Variants in ROBO2 observed in about 807,000 individuals in gnomAD.
The protein encoded by ROBO2 is roundabout guidance receptor 2.
ROBO2 carries 53 observed loss-of-function variants against 160.8 expected under a neutral mutation model. The observed-to-expected ratio is 0.33, with a 90% CI of 0.26 to 0.41. The LOEUF (loss-of-function observed/expected upper bound fraction) is 0.41, where lower values mean the gene tolerates loss of function less well. Among genes scored for constraint, ROBO2 ranks in the 10% least tolerant of loss-of-function variants. The probability of loss-of-function intolerance (pLI) is 1.00; values close to 1 mark genes in which losing one functional copy is unlikely to be tolerated. For synonymous variants in ROBO2, 664 were observed against 611.7 expected (o/e 1.09, Z -1.26); for missense variants, 1,577 against 1,722.4 (o/e 0.92, Z 1.49).
At chr3:76,921,875 T>C (rs2076684530) in intron 2 of ROBO2, among the ~76,000 whole-genome samples, 1 of 152,198 alleles carries the variant, frequency 6.6e-6, no homozygotes, top group Non-Finnish European at 1.5e-5. Context: ...TGTATAATTA[T>C]CCAGCATTTT....
chr3:76,395,548 G>A lies in ROBO2; in HGVS notation c.109+457946G>A, dbSNP rs1169280948. ...GAATCCAGGAGCTGGTTTTTTGAAA[G>A]GATCAACAAAATTGATAGACCGCTA... On this transcript the variant is annotated intron_variant, in intron 2 of 26. Transcript: ENST00000487694. 2.7e-5 allele frequency among the ~76,000 whole-genome samples: 4 copies of A among 148,284 alleles called. No homozygotes were observed. The East Asian group carries it at 5.9e-4, about 22-fold the overall frequency.
intron 2 of ROBO2, among the ~76,000 whole-genome samples, chr3:76,815,727 A>G (rs1453956313): frequency 2.0e-5 from 3 of 152,068 alleles, no homozygotes; most frequent in African/African-American, 4.8e-5. Context: ...AATGTCAAAC[A>G]TGCACATACC....
chr3:76,443,412 C>G (rs895879672), intron 2 of ROBO2, among the ~76,000 whole-genome samples: 3 of 152,036 alleles, frequency 2.0e-5, no homozygotes, highest in African/African-American at 7.2e-5. Context: ...GAGAGTCTTG[C>G]GATGTATCCC....
chr3:75,975,813 C>T (rs2065119509), intron 2 of ROBO2, among the ~76,000 whole-genome samples: 1 of 151,520 alleles, frequency 6.6e-6, no homozygotes, highest in Admixed American at 6.6e-5. Context: ...AACAAAATCC[C>T]ATCTGGCTAT....
At chr3:76,963,724 G>A (rs1327590327) in intron 2 of ROBO2, among the ~76,000 whole-genome samples, 1 of 150,728 alleles carries the variant, frequency 6.6e-6, no homozygotes, top group Non-Finnish European at 1.5e-5. Flanking sequence ...CAGAAGGAAA[G>A]CTTATAAATC....
intron 7 of ROBO2, among the ~76,000 whole-genome samples, chr3:77,549,269 T>G (rs1582877930): frequency 6.6e-6 from 1 of 152,030 alleles, no homozygotes. Context: ...GCCCATCTGA[T>G]ATATTAGTGC....
intron 2 of ROBO2, among the ~76,000 whole-genome samples, chr3:76,914,492 A>G (rs2076190338): frequency 6.6e-6 from 1 of 152,010 alleles, no homozygotes; most frequent in Non-Finnish European, 1.5e-5. Flanking sequence ...ACTGCTACCT[A>G]TATCTACTGC....
intron 2 of ROBO2, among the ~76,000 whole-genome samples, chr3:76,500,164 G>C (rs893085848): frequency 3.3e-5 from 5 of 152,078 alleles, no homozygotes; most frequent in African/African-American, 1.2e-4. Context: ...TGTCACCCGG[G>C]TTGGAGTGCA....
intron 1 of ROBO2, among the ~76,000 whole-genome samples, chr3:77,045,905 G>A (rs939763736): frequency 6.6e-5 from 10 of 152,110 alleles, no homozygotes; most frequent in Admixed American, 1.3e-4. Context: ...TTTCTTTAGC[G>A]TAATGTTTTT....
At chr3:76,710,905 G>T (rs1420836246) in intron 2 of ROBO2, among the ~76,000 whole-genome samples, 2 of 152,120 alleles carry the variant, frequency 1.3e-5, no homozygotes, top group South Asian at 2.1e-4. Flanking sequence ...TTCACGGCTA[G>T]CACTTTTCCT....
chr3:76,131,791 A>G (rs529453737), intron 2 of ROBO2, among the ~76,000 whole-genome samples: 17 of 152,262 alleles, frequency 1.1e-4, no homozygotes, highest in African/African-American at 4.1e-4. Flanking sequence ...GATTGGAGTA[A>G]GATCATATTA....
At chr3:77,150,075 T>C (rs934617984) in intron 2 of ROBO2, among the ~76,000 whole-genome samples, 12 of 152,184 alleles carry the variant, frequency 7.9e-5, no homozygotes, top group Admixed American at 4.6e-4. Context: ...GTTTCAGTTA[T>C]ATGAAACAAA....
intron 2 of ROBO2, among the ~76,000 whole-genome samples, chr3:76,875,354 G>A (rs2072593887): frequency 1.3e-5 from 2 of 152,150 alleles, no homozygotes; most frequent in South Asian, 4.1e-4. Flanking sequence ...CAGCACAAAG[G>A]GACTAAGACA....
At chr3:77,298,532 A>C (rs1377402145) in intron 2 of ROBO2, among the ~76,000 whole-genome samples, 1 of 152,158 alleles carries the variant, frequency 6.6e-6, no homozygotes, top group African/African-American at 2.4e-5. Context: ...ACCAGGGCAA[A>C]ATATGAGACT....
At chr3:77,497,742 A>G (rs938180514) in intron 5 of ROBO2, among the ~76,000 whole-genome samples, 2 of 152,090 alleles carry the variant, frequency 1.3e-5, no homozygotes, top group African/African-American at 4.8e-5. Context: ...CAGTATTTAT[A>G]ATAAATGAGG....
chr3:77,557,524 C>T (rs1261466921), intron 8 of ROBO2, among the ~76,000 whole-genome samples: 3 of 151,928 alleles, frequency 2.0e-5, no homozygotes, highest in Non-Finnish European at 4.4e-5. Context: ...TGGCTGTACT[C>T]ATATGATACT....
At chr3:76,742,242 C>T (rs1352362833) in intron 2 of ROBO2, among the ~76,000 whole-genome samples, 2 of 152,022 alleles carry the variant, frequency 1.3e-5, no homozygotes, top group Admixed American at 1.3e-4. Context: ...GTAGAACTGC[C>T]TATACCCTTA....
chr3:76,793,275 C>G (rs1428829322), intron 2 of ROBO2, among the ~76,000 whole-genome samples: 1 of 151,740 alleles, frequency 6.6e-6, no homozygotes, highest in South Asian at 2.1e-4. Context: ...ATATTTTGTT[C>G]ATTATCCTAG....
Position 76,430,561 on chromosome 3 carries a change from A to T in ROBO2, c.109+492959A>T, listed in dbSNP as rs199531323. ...GTTCCATATCAATAGGTGCTAAATC[A>T]CTAGAATTATTAAGGACATTGGGGA... On this transcript the variant is annotated intron_variant, in intron 2 of 26. Transcript: ENST00000487694. Among the ~76,000 whole-genome samples, 13 of 152,230 alleles carry T rather than the reference A, an allele frequency of 8.5e-5. No homozygotes were observed. The East Asian group carries it at 2.3e-3, about 27-fold the overall frequency.
Sources: gnomAD v4.1 joint callset for allele counts (sites outside exome capture counted in the v4.1 genomes callset) on GRCh38, gnomAD v4.1.1 for gene constraint, MANE v1.5 for transcripts, NCBI Gene and HGNC (gene_info 2026-07-23, HGNC 2026-07-21) for gene names.